BRD3OS: variants seen among roughly 807,000 people sequenced by gnomAD.
The protein encoded by BRD3OS is BRD3 opposite strand.
chr9:134,031,002 C>T lies in BRD3OS; in HGVS notation c.*4000C>T, dbSNP rs1217783258. Reference sequence around the variant, plus strand: ...CAGAAGAAACGGACGTGACTGTCACCCTCAGCCCGCCAGCAAGGGCGCTGA... The same window carrying T: ...CAGAAGAAACGGACGTGACTGTCACTCTCAGCCCGCCAGCAAGGGCGCTGA... On this transcript the variant is annotated 3_prime_UTR_variant, in exon 3 of 3. Transcript: ENST00000603928. 3.0e-5 allele frequency: 7 copies of T among 231,000 alleles called. No homozygotes were observed. 14.3% of individuals were successfully genotyped at this position (231,000 alleles called of 1,614,324 possible). A position where few individuals can be genotyped will look rare whatever the true frequency, so the allele number is the denominator to read the frequency against.
In BRD3OS at chr9:134,031,362, G is replaced by C. The variant is rs1374902239; in HGVS notation, c.*4360G>C. The C allele has an allele frequency of 4.8e-6, 1 of 208,266 alleles. No individual in the cohort carries two copies. The highest frequency in any genetic ancestry group is 9.8e-6 in the Non-Finnish European group (1 of 102,244). 12.9% of individuals were successfully genotyped at this position (208,266 alleles called of 1,614,324 possible). Reference sequence around the variant, plus strand: ...CAGCCCCAGGCACCCCCGGCTTAGGGTGTACGTATCACCCAGCCCTGTGCT... The same window carrying C: ...CAGCCCCAGGCACCCCCGGCTTAGGCTGTACGTATCACCCAGCCCTGTGCT... On this transcript the variant is annotated 3_prime_UTR_variant, in exon 3 of 3. Transcript: ENST00000603928.
rs957208473 is a variant in BRD3OS at position 134,026,179 on chromosome 9, C to T, written c.-540-29C>T. 4.6e-5 allele frequency: 7 copies of T among 152,874 alleles called. No homozygotes were observed. The highest frequency in any genetic ancestry group is 3.9e-4 in the East Asian group (2 of 5,188). 9.5% of individuals were successfully genotyped at this position (152,874 alleles called of 1,614,324 possible). A position where few individuals can be genotyped will look rare whatever the true frequency, so the allele number is the denominator to read the frequency against. On this transcript the variant is annotated intron_variant, in intron 2 of 2. Coordinates refer to ENST00000603928, the MANE Select transcript of BRD3OS (RefSeq NM_001355256.2). The surrounding 1 kb of genome is among the most constrained non-coding windows in gnomAD (Gnocchi z 4.4). ...GCTGCCGGGGCGCTTGACTTCCCCTCTCCTGACAGCACGTTCGTTCCTTTG... is the reference window on the plus strand; with the variant it reads ...GCTGCCGGGGCGCTTGACTTCCCCTTTCCTGACAGCACGTTCGTTCCTTTG...
Position 134,029,088 on chromosome 9 carries a change from C to T in BRD3OS, c.*2086C>T, listed in dbSNP as rs1031155258. ...TGACACTCCCACAGCAAGGCGGGCC[C>T]GCCAAGGAAGCACTCCACATCCGCT... On this transcript the variant is annotated 3_prime_UTR_variant, in exon 3 of 3. Coordinates refer to ENST00000603928, the MANE Select transcript of BRD3OS (RefSeq NM_001355256.2). 2.0e-5 allele frequency: 3 copies of T among 152,302 alleles called. No individual in the cohort carries two copies. The highest frequency in any genetic ancestry group is 2.1e-4 in the South Asian group (1 of 4,836). 9.4% of individuals were successfully genotyped at this position (152,302 alleles called of 1,614,324 possible).
In BRD3OS at chr9:134,028,564, T is replaced by C. The variant is rs1199173182; in HGVS notation, c.*1562T>C. ...CCACCACGCCTGGCTAATTTTTCTA[T>C]TTTTAATAGAGACAAGGTTTCACCA... On this transcript the variant is annotated 3_prime_UTR_variant, in exon 3 of 3. Transcript: ENST00000603928. 1 of 152,258 alleles carries C rather than the reference T, an allele frequency of 6.6e-6. No homozygotes were observed. Among genetic ancestry groups the C allele is most frequent in the Non-Finnish European group, 1.5e-5 (1 of 68,070 alleles). 9.4% of individuals were successfully genotyped at this position (152,258 alleles called of 1,614,324 possible).
At position 134,030,510 on chromosome 9, in the gene BRD3OS, G is replaced by A. The variant is rs1394534142; in HGVS notation, c.*3508G>A. The A allele has an allele frequency of 1.5e-5, 3 of 204,216 alleles. No individual in the cohort carries two copies. Among genetic ancestry groups the A allele is most frequent in the Admixed American group, 1.2e-4 (2 of 16,650 alleles). The allele number at this position is 204,216 out of a possible 1,614,324, so 12.7% of individuals were successfully genotyped here. The stretch of plus-strand genomic sequence containing the variant: ...ACATTTACAGGAATATACTAGAAAC[G>A]GCACTAAAAAGTTTAAGAAAAGTTA... On this transcript the variant is annotated 3_prime_UTR_variant, in exon 3 of 3. Transcript: ENST00000603928.
chr9:134,030,144 G>A lies in BRD3OS; in HGVS notation c.*3142G>A, dbSNP rs1000163096. ...CCTTTTGGATGCTCTGGGTGTTTTT[G>A]CCAAGAGTTACAGGATGTCAAGTGT... On this transcript the variant is annotated 3_prime_UTR_variant, in exon 3 of 3. Coordinates refer to ENST00000603928, the MANE Select transcript of BRD3OS (RefSeq NM_001355256.2). The A allele has an allele frequency of 6.5e-6, 1 of 152,732 alleles. No homozygotes were observed. Among genetic ancestry groups the A allele is most frequent in the African/African-American group, 2.4e-5 (1 of 41,366 alleles). The allele number at this position is 152,732 out of a possible 1,614,324, so 9.5% of individuals were successfully genotyped here.
At position 134,031,221 on chromosome 9, in the gene BRD3OS, A is replaced by C. The variant is rs1351091042; in HGVS notation, c.*4219A>C. On this transcript the variant is annotated 3_prime_UTR_variant, in exon 3 of 3. Coordinates refer to ENST00000603928, the MANE Select transcript of BRD3OS (RefSeq NM_001355256.2). ...CGTCACAGAGAACCAGCCGAGAAGGAAAGGCCCCACGATGCTCCTGCTGCG... is the reference window on the plus strand; with the variant it reads ...CGTCACAGAGAACCAGCCGAGAAGGCAAGGCCCCACGATGCTCCTGCTGCG... The C allele has an allele frequency of 3.2e-5, 7 of 217,874 alleles. No individual in the cohort carries two copies. The highest frequency in any genetic ancestry group is 2.9e-3 in the Middle Eastern group (2 of 692). 13.5% of individuals were successfully genotyped at this position (217,874 alleles called of 1,614,324 possible).
In BRD3OS at chr9:134,027,828, G is replaced by GT. The variant is rs1241284794; in HGVS notation, c.*827dup. 1.3e-5 allele frequency: 2 copies of GT among 152,256 alleles called. No homozygotes were observed. The highest frequency in any genetic ancestry group is 2.9e-5 in the Non-Finnish European group (2 of 68,042). The allele number at this position is 152,256 out of a possible 1,614,324, so 9.4% of individuals were successfully genotyped here. A position where few individuals can be genotyped will look rare whatever the true frequency, so the allele number is the denominator to read the frequency against. ...AACACATTCAGGAAACCCGAGAGTTGTAAGTTGCACATGTGTGGCCTACAG... is the reference window on the plus strand; with the variant it reads ...AACACATTCAGGAAACCCGAGAGTTGTTAAGTTGCACATGTGTGGCCTACAG... On this transcript the variant is annotated 3_prime_UTR_variant, in exon 3 of 3. Coordinates refer to ENST00000603928, the MANE Select transcript of BRD3OS (RefSeq NM_001355256.2).
rs974472072 is a variant in BRD3OS at position 134,029,975 on chromosome 9, C to G, written c.*2973C>G. On this transcript the variant is annotated 3_prime_UTR_variant, in exon 3 of 3. Coordinates refer to ENST00000603928, the MANE Select transcript of BRD3OS (RefSeq NM_001355256.2). ...TTATTATTTTTTAAGAGATGTTGTC[C>G]AGGCTGGAGTGCAGTGATGCAATCA... 1 of 152,138 alleles carries G rather than the reference C, an allele frequency of 6.6e-6. No individual in the cohort carries two copies. The highest frequency in any genetic ancestry group is 2.4e-5 in the African/African-American group (1 of 41,430). The allele number at this position is 152,138 out of a possible 1,614,324, so 9.4% of individuals were successfully genotyped here.
Position 134,026,928 on chromosome 9 carries a change from A to G in BRD3OS, c.181A>G (p.Ile61Val). Residue 61 changes from isoleucine to valine, a missense_variant, in exon 3 of 3, where the codon ATC (isoleucine) becomes GTC (valine). Physicochemically the swap from Ile to Val is conservative, Grantham distance 29. Coordinates refer to ENST00000603928, the MANE Select transcript of BRD3OS (RefSeq NM_001355256.2). The surrounding 1 kb of genome is among the most constrained non-coding windows in gnomAD (Gnocchi z 4.4). ...GTACTCACAGTATGGAAATGAGGCC[A>G]TCTTGGTCCGAGACAAAAACAAGCT... ...MWYSQYGNEAILVRDKNKLEV... is the reference protein window; with the variant it reads ...MWYSQYGNEAVLVRDKNKLEV... 2.5e-6 allele frequency: 1 copy of G among 398,966 alleles called. No homozygotes were observed. The highest frequency in any genetic ancestry group is 4.4e-6 in the Non-Finnish European group (1 of 226,076). The allele number at this position is 398,966 out of a possible 1,614,324, so 24.7% of individuals were successfully genotyped here.
rs1002238570 is a variant in BRD3OS at position 134,031,275 on chromosome 9, C to A, written c.*4273C>A. Reference sequence around the variant, plus strand: ...CCCCCACAGCCGGCCGCTCCCCCGACGGCTCACACAGGCAGCACCTCACTG... The same window carrying A: ...CCCCCACAGCCGGCCGCTCCCCCGAAGGCTCACACAGGCAGCACCTCACTG... On this transcript the variant is annotated 3_prime_UTR_variant, in exon 3 of 3. Coordinates refer to ENST00000603928, the MANE Select transcript of BRD3OS (RefSeq NM_001355256.2). 9.6e-6 allele frequency: 2 copies of A among 209,320 alleles called. No homozygotes were observed. Among genetic ancestry groups the A allele is most frequent in the Non-Finnish European group, 1.9e-5 (2 of 103,014 alleles). 13.0% of individuals were successfully genotyped at this position (209,320 alleles called of 1,614,324 possible).
chr9:134,026,859 T>G lies in BRD3OS; in HGVS notation c.112T>G (p.Ser38Ala). Residue 38 changes from serine to alanine, a missense_variant, in exon 3 of 3, where the codon TCG becomes GCG. By Grantham distance (99) the Ser-to-Ala change is moderately conservative. Transcript: ENST00000603928. The surrounding 1 kb of genome is among the most constrained non-coding windows in gnomAD (Gnocchi z 4.4). ...IWQQQQQKLE[S>A]VPPGTYLSRS... The stretch of plus-strand genomic sequence containing the variant: ...GCAGCAGCAACAGCAGAAGTTGGAG[T>G]CGGTGCCACCTGGGACGTACCTGAG... 2.5e-6 allele frequency: 1 copy of G among 398,580 alleles called. No individual in the cohort carries two copies. Among genetic ancestry groups the G allele is most frequent in the Non-Finnish European group, 4.4e-6 (1 of 225,996 alleles). 24.7% of individuals were successfully genotyped at this position (398,580 alleles called of 1,614,324 possible).
Position 134,025,999 on chromosome 9 carries a change from A to G in BRD3OS, c.-632A>G, listed in dbSNP as rs1487525898. On this transcript the variant is annotated 5_prime_UTR_variant, in exon 2 of 3. Coordinates refer to ENST00000603928, the MANE Select transcript of BRD3OS (RefSeq NM_001355256.2). ...AGATGGAGACCCTGAAGCCCCAACA[A>G]GCAGCCTCCCCAGCACCTCCCAGTG... 1 of 152,110 alleles carries G rather than the reference A, an allele frequency of 6.6e-6. No individual in the cohort carries two copies. Among genetic ancestry groups the G allele is most frequent in the Non-Finnish European group, 1.5e-5 (1 of 68,044 alleles). 9.4% of individuals were successfully genotyped at this position (152,110 alleles called of 1,614,324 possible).
At position 134,026,580 on chromosome 9, in the gene BRD3OS, C is replaced by T; in HGVS notation, c.-168C>T. 2.6e-6 allele frequency: 1 copy of T among 389,952 alleles called. No individual in the cohort carries two copies. Among genetic ancestry groups the T allele is most frequent in the Non-Finnish European group, 4.5e-6 (1 of 221,134 alleles). 24.2% of individuals were successfully genotyped at this position (389,952 alleles called of 1,614,324 possible). A position where few individuals can be genotyped will look rare whatever the true frequency, so the allele number is the denominator to read the frequency against. On this transcript the variant is annotated 5_prime_UTR_variant, in exon 3 of 3. Transcript: ENST00000603928. The surrounding 1 kb of genome is among the most constrained non-coding windows in gnomAD (Gnocchi z 4.4). The stretch of plus-strand genomic sequence containing the variant: ...GCCGCCTCATTTCCTCACCACACAA[C>T]CCTCCTGAGGACGTTGCCTGCAAAT...
rs932095478 is a variant in BRD3OS at position 134,026,460 on chromosome 9, T to G, written c.-288T>G. ...GGTGTGACGCCTCGTCCCTGTCAAT[T>G]CCACACAGCTGCACCCGGAAGAGCT... On this transcript the variant is annotated 5_prime_UTR_variant, in exon 3 of 3. The change creates a new upstream start codon in the 5' untranslated region. Coordinates refer to ENST00000603928, the MANE Select transcript of BRD3OS (RefSeq NM_001355256.2). This position sits in a 1 kb window ranked among gnomAD's most constrained non-coding sequence, Gnocchi z 4.4. The G allele has an allele frequency of 4.8e-5, 12 of 251,576 alleles. No individual in the cohort carries two copies. In the Admixed American group the frequency reaches 6.1e-4, roughly 13 times the overall value. 15.6% of individuals were successfully genotyped at this position (251,576 alleles called of 1,614,324 possible).
chr9:134,030,392 G>A lies in BRD3OS; in HGVS notation c.*3390G>A, dbSNP rs1252997899. 1 of 134,420 alleles carries A rather than the reference G, an allele frequency of 7.4e-6. No homozygotes were observed. 8.3% of individuals were successfully genotyped at this position (134,420 alleles called of 1,614,324 possible). On this transcript the variant is annotated 3_prime_UTR_variant, in exon 3 of 3. Coordinates refer to ENST00000603928, the MANE Select transcript of BRD3OS (RefSeq NM_001355256.2). ...GTCCATGATTACCAGAAACATCAAA[G>A]AGTACTTTCTACCATTTTTATTCTG...
At position 134,026,634 on chromosome 9, in the gene BRD3OS, G is replaced by A. The variant is rs1843432496; in HGVS notation, c.-114G>A. 2.5e-6 allele frequency: 1 copy of A among 397,096 alleles called. No individual in the cohort carries two copies. Among genetic ancestry groups the A allele is most frequent in the Non-Finnish European group, 4.4e-6 (1 of 225,732 alleles). The allele number at this position is 397,096 out of a possible 1,614,324, so 24.6% of individuals were successfully genotyped here. A position where few individuals can be genotyped will look rare whatever the true frequency, so the allele number is the denominator to read the frequency against. On this transcript the variant is annotated 5_prime_UTR_variant, in exon 3 of 3. Coordinates refer to ENST00000603928, the MANE Select transcript of BRD3OS (RefSeq NM_001355256.2). This position sits in a 1 kb window ranked among gnomAD's most constrained non-coding sequence, Gnocchi z 4.4. ...CGGAATTCCTAATTTCTACCATTCA[G>A]TTAAACGAGGGATCCTTAAGCCCCA... is the stretch of plus-strand genomic sequence containing the variant.
Position 134,026,927 on chromosome 9 carries a change from C to T in BRD3OS, c.180C>T (p.Ala60=). ...SMWYSQYGNE[A]ILVRDKNKLE... is the part of the protein sequence containing the mutation. Reference sequence around the variant, plus strand: ...GGTACTCACAGTATGGAAATGAGGCCATCTTGGTCCGAGACAAAAACAAGC... The same window carrying T: ...GGTACTCACAGTATGGAAATGAGGCTATCTTGGTCCGAGACAAAAACAAGC... Residue 60 remains alanine, a synonymous_variant, in exon 3 of 3, where the codon GCC becomes GCT. Transcript: ENST00000603928. This position sits in a 1 kb window ranked among gnomAD's most constrained non-coding sequence, Gnocchi z 4.4. 2.5e-6 allele frequency: 1 copy of T among 398,936 alleles called. No homozygotes were observed. The allele number at this position is 398,936 out of a possible 1,614,324, so 24.7% of individuals were successfully genotyped here. A position where few individuals can be genotyped will look rare whatever the true frequency, so the allele number is the denominator to read the frequency against.
rs398247 is a variant in BRD3OS, at chr9:134,027,319, C to T, written c.*317C>T. 8.6e-6 allele frequency: 2 copies of T among 231,320 alleles called. No individual in the cohort carries two copies. Among genetic ancestry groups the T allele is most frequent in the Non-Finnish European group, 1.7e-5 (2 of 120,484 alleles). 14.3% of individuals were successfully genotyped at this position (231,320 alleles called of 1,614,324 possible). On this transcript the variant is annotated 3_prime_UTR_variant, in exon 3 of 3. Transcript: ENST00000603928. ...TGCTAGATGCTTGGTTTAAACCAGG[C>T]CAAGAGTAACCCTCCCATCCCCATT...
Sources: gnomAD v4.1 joint callset for allele counts on GRCh38, gnomAD v4.1.1 for gene constraint, Gnocchi (gnomAD v3.1) non-coding constraint, MANE v1.5 for transcripts, NCBI Gene and HGNC (gene_info 2026-07-23, HGNC 2026-07-21) for gene names.